Variants in PRRX1 observed in about 807,000 individuals in gnomAD.
PRRX1 encodes the protein paired mesoderm homeobox protein 1.
Under a neutral mutation model 24.0 loss-of-function variants are expected in PRRX1, and 8 were observed. That is an observed-to-expected ratio of 0.33 (90% CI 0.20 to 0.60). The LOEUF is 0.60. Among genes scored for constraint, PRRX1 ranks in the 20% least tolerant of loss-of-function variants. The pLI is 0.82. For missense variants in PRRX1, 281 were observed against 322.4 expected (o/e 0.87, Z 0.98); for synonymous variants, 160 against 131.7 (o/e 1.22, Z -1.47).
intron 1 of PRRX1, among the ~76,000 whole-genome samples, chr1:170,695,250 G>T (rs1654129736): frequency 6.6e-6 from 1 of 152,102 alleles, no homozygotes; most frequent in Non-Finnish European, 1.5e-5. Context: ...CACAAGATCA[G>T]CCAGCTAGCT....
intron 1 of PRRX1, among the ~76,000 whole-genome samples, chr1:170,716,583 CAAA>C (rs1010022653): frequency 4.0e-5 from 4 of 100,728 alleles, no homozygotes; most frequent in African/African-American, 6.7e-5. Context: ...GACTCCATCT[CAAA>C]AAAAAAAAAA....
intron 1 of PRRX1, among the ~76,000 whole-genome samples, chr1:170,671,793 T>C (rs1653153209): frequency 6.6e-6 from 1 of 151,946 alleles, no homozygotes; most frequent in South Asian, 2.1e-4. Flanking sequence ...CAGATGACCG[T>C]GGATGGAATT....
intron 1 of PRRX1, among the ~76,000 whole-genome samples, chr1:170,717,041 T>G (rs1311865913): frequency 6.6e-6 from 1 of 152,236 alleles, no homozygotes; most frequent in East Asian, 1.9e-4. Flanking sequence ...GCTCATCGTC[T>G]CTTTCTATTA....
At chr1:170,692,520 TG>T (rs1654023088) in intron 1 of PRRX1, among the ~76,000 whole-genome samples, 1 of 149,952 alleles carries the variant, frequency 6.7e-6, no homozygotes. Context: ...AAGTTAAAGC[TG>T]TTTTTTTTTT....
In PRRX1 at chr1:170,737,869, T is replaced by G. The variant is rs2101931322; in HGVS notation, c.*1683T>G. 1 of 215,840 alleles carries G rather than the reference T, an allele frequency of 4.6e-6. No individual in the cohort carries two copies. The highest frequency in any genetic ancestry group is 1.9e-4 in the South Asian group (1 of 5,376). 13.4% of individuals were successfully genotyped at this position (215,840 alleles called of 1,614,324 possible). A position where few individuals can be genotyped will look rare whatever the true frequency, so the allele number is the denominator to read the frequency against. ...TGCTCCTTTATTCTTTCCTGTATTC[T>G]CTGTATGTCCAGCACTTTGTAGCCA... is the stretch of plus-strand genomic sequence containing the variant. On this transcript the variant is annotated 3_prime_UTR_variant, in exon 4 of 4. Coordinates refer to ENST00000239461, the MANE Select transcript of PRRX1 (RefSeq NM_022716.4).
At chr1:170,717,043 T>C (rs545553677) in intron 1 of PRRX1, among the ~76,000 whole-genome samples, 49 of 152,348 alleles carry the variant, frequency 3.2e-4, no homozygotes, top group African/African-American at 1.1e-3. Flanking sequence ...TCATCGTCTC[T>C]TTCTATTATA....
intron 1 of PRRX1, among the ~76,000 whole-genome samples, chr1:170,692,972 T>A (rs1021887392): frequency 1.1e-4 from 16 of 152,064 alleles, no homozygotes; most frequent in Admixed American, 1.1e-3. Context: ...TCCTGGAACT[T>A]TTCCTAAATA....
chr1:170,705,324 C>T (rs1335564564), intron 1 of PRRX1, among the ~76,000 whole-genome samples: 1 of 152,148 alleles, frequency 6.6e-6, no homozygotes, highest in Non-Finnish European at 1.5e-5. Context: ...CTCTGTTGCC[C>T]AGGCTGGAGT....
intron 3 of PRRX1, among the ~76,000 whole-genome samples, chr1:170,733,943 T>C (rs1471498054): frequency 6.6e-6 from 1 of 152,172 alleles, no homozygotes; most frequent in Non-Finnish European, 1.5e-5. Context: ...TGTCCCACTT[T>C]AGTGTATCGT....
intron 1 of PRRX1, 124 bp from the exon 2 acceptor site, chr1:170,719,602 A>G: frequency 9.1e-7 from 1 of 1,104,090 alleles, no homozygotes. Context: ...GCATTTGGCT[A>G]TAGGACTTTG....
At chr1:170,666,413 G>A (rs1444690905) in intron 1 of PRRX1, among the ~76,000 whole-genome samples, 4 of 64,804 alleles carry the variant, frequency 6.2e-5, no homozygotes, top group Non-Finnish European at 8.4e-5. Context: ...GTGAGACTCC[G>A]TCTCAAAAAA....
At chr1:170,729,463 T>C (rs560085820) in intron 3 of PRRX1, among the ~76,000 whole-genome samples, 4 of 152,312 alleles carry the variant, frequency 2.6e-5, no homozygotes, top group Admixed American at 1.3e-4. Flanking sequence ...TATTTGCATA[T>C]GGTCAGAATT....
chr1:170,737,315 T>C lies in PRRX1; in HGVS notation c.*1129T>C, dbSNP rs1655646544. On this transcript the variant is annotated 3_prime_UTR_variant, in exon 4 of 4. Transcript: ENST00000239461. ...GCTGCTTTTCTTTTTCTACACGAAG[T>C]TTTCATTAAAGCCACAGAATAATTG... The C allele has an allele frequency of 5.3e-6, 1 of 189,986 alleles. No individual in the cohort carries two copies. The highest frequency in any genetic ancestry group is 1.1e-5 in the Non-Finnish European group (1 of 90,320). The allele number at this position is 189,986 out of a possible 1,614,324, so 11.8% of individuals were successfully genotyped here.
At chr1:170,686,788 A>G (rs1433899896) in intron 1 of PRRX1, among the ~76,000 whole-genome samples, 1 of 150,700 alleles carries the variant, frequency 6.6e-6, no homozygotes, top group Non-Finnish European at 1.5e-5. Context: ...TTATTTCCTT[A>G]TCAGAGAATC....
At position 170,722,986 on chromosome 1, in the gene PRRX1, G is replaced by A. The variant is rs182564003; in HGVS notation, c.417+3085G>A. 2.6e-3 allele frequency among the ~76,000 whole-genome samples: 392 copies of A among 152,340 alleles called. 2 individuals are homozygous for A. Among genetic ancestry groups the A allele is most frequent in the African/African-American group, 9.1e-3 (380 of 41,568 alleles). On this transcript the variant is annotated intron_variant, in intron 2 of 3. Coordinates refer to ENST00000239461, the MANE Select transcript of PRRX1 (RefSeq NM_022716.4). ...GGCCAGTGTATGAGGTTAGAGTGAT[G>A]TGGTTTGTGGCTGGATTGATGGACA...
chr1:170,726,646 C>T (rs116107166), intron 3 of PRRX1: 574 of 480,584 alleles, frequency 1.2e-3, no homozygotes, highest in Non-Finnish European at 1.8e-3. Context: ...GGAACTCTTG[C>T]AAAGGTTTCA....
At chr1:170,684,883 G>C (rs1373828994) in intron 1 of PRRX1, among the ~76,000 whole-genome samples, 1 of 152,192 alleles carries the variant, frequency 6.6e-6, no homozygotes, top group Non-Finnish European at 1.5e-5. Flanking sequence ...CATTTTTCAT[G>C]ATTTTAAAAA....
intron 1 of PRRX1, among the ~76,000 whole-genome samples, chr1:170,706,649 T>A (rs748313974): frequency 1.1e-4 from 17 of 152,210 alleles, no homozygotes; most frequent in Non-Finnish European, 2.4e-4. Context: ...GGAAAGAGTA[T>A]AAAGTTATAA....
At position 170,729,533 on chromosome 1, in the gene PRRX1, G is replaced by A. The variant is rs138378003; in HGVS notation, c.599+3132G>A. On this transcript the variant is annotated intron_variant, in intron 3 of 3. Coordinates refer to ENST00000239461, the MANE Select transcript of PRRX1 (RefSeq NM_022716.4). Reference sequence around the variant, plus strand: ...GGTGTCTTTTACATCCAGAGTCATGGATGTGTAATTTATTGTTCAAACTGG... The same window carrying A: ...GGTGTCTTTTACATCCAGAGTCATGAATGTGTAATTTATTGTTCAAACTGG... Among the ~76,000 whole-genome samples the A allele has an allele frequency of 3.9e-5, 6 of 152,294 alleles. No individual in the cohort carries two copies. The East Asian group carries it at 9.6e-4, about 24-fold the overall frequency.
Sources: allele counts gnomAD v4.1 joint callset (sites outside exome capture counted in the v4.1 genomes callset), GRCh38; gene constraint gnomAD v4.1.1; transcripts MANE v1.5; gene names NCBI Gene and HGNC (gene_info 2026-07-23, HGNC 2026-07-21).